MYO3B: variants seen among roughly 807,000 people sequenced by gnomAD.
MYO3B encodes the protein myosin IIIB.
A neutral mutation model predicts 174.6 loss-of-function variants in MYO3B; 156 were observed. That is an observed-to-expected ratio of 0.89 (90% CI 0.78 to 1.02). The LOEUF is 1.02. MYO3B is among the 50% of genes least tolerant of loss of function. The pLI, the probability that MYO3B is intolerant of heterozygous loss-of-function variation, is 0.00. For synonymous variants in MYO3B, 563 were observed against 569.1 expected, an observed-to-expected ratio of 0.99 and a Z score of 0.15; for missense variants, 1,632 against 1,639.4, an observed-to-expected ratio of 1.00 and a Z score of 0.08.
intron 9 of MYO3B, among the ~76,000 whole-genome samples, chr2:170,376,357 C>G (rs1482554419): frequency 6.6e-6 from 1 of 152,122 alleles, no homozygotes; most frequent in African/African-American, 2.4e-5. Context: ...TTCATTGGCT[C>G]TGTTATCAAA....
intron 12 of MYO3B, among the ~76,000 whole-genome samples, chr2:170,385,109 T>A (rs896020533): frequency 1.3e-5 from 2 of 151,832 alleles, no homozygotes; most frequent in Non-Finnish European, 2.9e-5. Context: ...TGGGGCAGGG[T>A]GTATGGGGGG....
At chr2:170,270,218 T>G (rs2093416040) in intron 7 of MYO3B, among the ~76,000 whole-genome samples, 1 of 152,104 alleles carries the variant, frequency 6.6e-6, no homozygotes, top group Non-Finnish European at 1.5e-5. Flanking sequence ...GAGGATATAT[T>G]TATATATTAC....
chr2:170,415,339 A>T (rs998768557), intron 22 of MYO3B, among the ~76,000 whole-genome samples: 1 of 152,150 alleles, frequency 6.6e-6, no homozygotes, highest in Non-Finnish European at 1.5e-5. Context: ...TGGCTATCCT[A>T]TCTAAAATTT....
chr2:170,443,779 A>G (rs1232732539), intron 22 of MYO3B, among the ~76,000 whole-genome samples, 188 bp from the exon 23 acceptor site: 1 of 151,260 alleles, frequency 6.6e-6, no homozygotes, highest in Non-Finnish European at 1.5e-5. Context: ...AATTATTTTA[A>G]ACTTATAAAT....
chr2:170,288,990 G>T (rs1196618630), intron 7 of MYO3B, among the ~76,000 whole-genome samples: 1 of 152,004 alleles, frequency 6.6e-6, no homozygotes, highest in Admixed American at 6.6e-5. Context: ...TCTCAATTCT[G>T]TTCGTGTGTT....
rs532902522 is a variant in MYO3B at position 170,436,571 on chromosome 2, A to G, written c.2651-7396A>G. 2.6e-5 allele frequency among the ~76,000 whole-genome samples: 4 copies of G among 152,342 alleles called. No homozygotes were observed. In the South Asian group the frequency reaches 8.3e-4, roughly 32 times the overall value. On this transcript the variant is annotated intron_variant, in intron 22 of 34. Transcript: ENST00000408978. Reference sequence around the variant, plus strand: ...AAACATTTGGACATCTTTGTGCTAGACTTGCTGAAACTTTGAAATCTTGAG... The same window carrying G: ...AAACATTTGGACATCTTTGTGCTAGGCTTGCTGAAACTTTGAAATCTTGAG...
intron 1 of MYO3B, 78 bp from the exon 2 acceptor site, chr2:170,199,129 TA>T: frequency 9.9e-7 from 1 of 1,008,396 alleles, no homozygotes; most frequent in Non-Finnish European, 1.4e-6. Flanking sequence ...GGTTAAGAAA[TA>T]AAAATCTTTT....
rs111713503 is a variant in MYO3B, at chr2:170,617,428, C to G, written c.3734-34200C>G. On this transcript the variant is annotated intron_variant, in intron 32 of 34. Coordinates refer to ENST00000408978, the MANE Select transcript of MYO3B (RefSeq NM_138995.5). ...TTATGTTGGTTTTTGAACTAATATG[C>G]AACTTTCCTGCTAATAACATATATG... is the stretch of plus-strand genomic sequence containing the variant. Among the ~76,000 whole-genome samples the G allele has an allele frequency of 3.3e-5, 5 of 152,260 alleles. No homozygotes were observed. The South Asian group carries it at 6.2e-4, about 19-fold the overall frequency.
At chr2:170,250,684 C>T (rs958990315) in intron 7 of MYO3B, among the ~76,000 whole-genome samples, 3 of 152,152 alleles carry the variant, frequency 2.0e-5, no homozygotes, top group South Asian at 4.1e-4. Context: ...AGTTCTTGTC[C>T]AGTGTCCCGG....
At chr2:170,491,680 C>T (rs1346625977) in intron 25 of MYO3B, among the ~76,000 whole-genome samples, 1 of 152,232 alleles carries the variant, frequency 6.6e-6, no homozygotes, top group East Asian at 1.9e-4. Context: ...CCGCCTTGGC[C>T]TCCCAAAGTG....
chr2:170,399,242 C>CAAAAAAAA (rs71399532), intron 16 of MYO3B, among the ~76,000 whole-genome samples: 421 of 15,566 alleles, frequency 0.027, 52 homozygotes, highest in Non-Finnish European at 0.044. Flanking sequence ...AATTCCGTCT[C>CAAAAAAAA]AAAAAAAAAA....
Position 170,214,764 on chromosome 2 carries a change from C to A in MYO3B, c.462C>A (p.His154Gln), listed in dbSNP as rs1370552719. The change falls in exon 5 of 35, where the codon CAC becomes CAA. Residue 154 changes from histidine (H) to glutamine (Q), a missense_variant. Transcript: ENST00000408978. ...ATTTGCACAACAACCGAATCATCCA[C>A]CGTGATGTGAAGGGGAATAACATTC... ...LQHLHNNRIIHRDVKGNNILL... is the reference protein window; with the variant it reads ...LQHLHNNRIIQRDVKGNNILL... 1 of 1,614,018 alleles carries A rather than the reference C, an allele frequency of 6.2e-7. No homozygotes were observed. Among genetic ancestry groups the A allele is most frequent in the Non-Finnish European group, 8.5e-7 (1 of 1,180,010 alleles).
At chr2:170,530,327 G>A (rs912115166) in intron 30 of MYO3B, among the ~76,000 whole-genome samples, 1 of 152,232 alleles carries the variant, frequency 6.6e-6, no homozygotes, top group Non-Finnish European at 1.5e-5. Flanking sequence ...GTCTGGAGAC[G>A]CAGGTGGGAG....
At chr2:170,580,384 T>C (rs746533082) in intron 32 of MYO3B, among the ~76,000 whole-genome samples, 26 of 152,220 alleles carry the variant, frequency 1.7e-4, no homozygotes, top group Non-Finnish European at 2.6e-4. Flanking sequence ...ATGCCTGTAA[T>C]CCCAACGCTT....
rs549141741 is a variant in MYO3B, at chr2:170,254,384, A to C, written c.749+18248A>C. Among the ~76,000 whole-genome samples the C allele has an allele frequency of 2.0e-5, 3 of 152,118 alleles. No homozygotes were observed. The East Asian group carries it at 5.8e-4, about 29-fold the overall frequency. ...CTTACTCTGAATGACCACAGCCCTC[A>C]CTGACTGCCAACCTGAGAGAGAGCA... On this transcript the variant is annotated intron_variant, in intron 7 of 34. Coordinates refer to ENST00000408978, the MANE Select transcript of MYO3B (RefSeq NM_138995.5).
At chr2:170,253,883 G>A (rs546215929) in intron 7 of MYO3B, among the ~76,000 whole-genome samples, 183 of 151,650 alleles carry the variant, frequency 1.2e-3, no homozygotes, top group Non-Finnish European at 1.9e-3. Flanking sequence ...GAGCTGTTCT[G>A]GGGACGGGGG....
intron 23 of MYO3B, among the ~76,000 whole-genome samples, chr2:170,447,597 T>C (rs1683300009): frequency 6.6e-6 from 1 of 152,216 alleles, no homozygotes; most frequent in African/African-American, 2.4e-5. Context: ...TTTCAGACTT[T>C]TATTTTATAA....
chr2:170,465,726 G>A (rs995956720), intron 24 of MYO3B, among the ~76,000 whole-genome samples: 1 of 152,166 alleles, frequency 6.6e-6, no homozygotes, highest in African/African-American at 2.4e-5. Context: ...ACCCGTTCAC[G>A]AGTGCTAAAC....
chr2:170,367,503 T>C (rs12105332), intron 8 of MYO3B, among the ~76,000 whole-genome samples: 5,552 of 152,204 alleles, frequency 0.036, 293 homozygotes, highest in African/African-American at 0.12. Flanking sequence ...GCATCTTCAG[T>C]AGGAACTCTC....
Sources: gnomAD v4.1 joint callset for allele counts (sites outside exome capture counted in the v4.1 genomes callset) on GRCh38, gnomAD v4.1.1 for gene constraint, MANE v1.5 for transcripts, NCBI Gene and HGNC (gene_info 2026-07-23, HGNC 2026-07-21) for gene names.